Variants in EPB41L1 observed in about 807,000 individuals in gnomAD.
The protein encoded by EPB41L1 is band 4.1-like protein 1.
In EPB41L1, 29 loss-of-function variants were observed where a neutral mutation model predicts 97.8. The observed-to-expected ratio is 0.30, with a 90% confidence interval of 0.22 to 0.40. The LOEUF is 0.40. Ranked by LOEUF, EPB41L1 falls within the 10% of genes least tolerant of loss-of-function variation. The pLI, the probability that EPB41L1 is intolerant of heterozygous loss-of-function variation, is 1.00. For synonymous variants in EPB41L1, 383 were observed against 459.2 expected, an observed-to-expected ratio of 0.83 and a Z score of 2.12; for missense variants, 812 against 1,162.3, an observed-to-expected ratio of 0.70 and a Z score of 4.38.
At chr20:36,099,968 G>T (rs563165871) in intron 1 of EPB41L1, among the ~76,000 whole-genome samples, 3 of 152,242 alleles carry the variant, frequency 2.0e-5, no homozygotes, top group African/African-American at 7.2e-5. Context: ...TGAGTGAGCA[G>T]GCTGAATGGG....
chr20:36,109,353 A>G (rs897643375), intron 1 of EPB41L1, among the ~76,000 whole-genome samples: 1 of 152,138 alleles, frequency 6.6e-6, no homozygotes, highest in African/African-American at 2.4e-5. Flanking sequence ...TCTTTGCTGA[A>G]CTTGAGCCTT....
chr20:36,102,653 C>G (rs1164747336), intron 1 of EPB41L1, among the ~76,000 whole-genome samples: 1 of 152,192 alleles, frequency 6.6e-6, no homozygotes, highest in Non-Finnish European at 1.5e-5. Context: ...CCTTGCTCCT[C>G]CCTGGCTTCA....
intron 1 of EPB41L1, among the ~76,000 whole-genome samples, chr20:36,172,943 C>A (rs1211257919): frequency 6.6e-6 from 1 of 152,212 alleles, no homozygotes. Context: ...GCCATTCTCT[C>A]TCTCTCTTTC....
chr20:36,173,797 C>A lies in EPB41L1; in HGVS notation c.20C>A (p.Pro7His), dbSNP rs1443302443. 6.2e-7 allele frequency: 1 copy of A among 1,614,168 alleles called. No individual in the cohort carries two copies. Among genetic ancestry groups the A allele is most frequent in the Non-Finnish European group, 8.5e-7 (1 of 1,180,036 alleles). MTTETGPDSEVKKAQEE... is the reference protein window; with the variant it reads MTTETGHDSEVKKAQEE... ...GTCACCATGACAACAGAGACAGGCC[C>A]CGACTCTGAGGTGAAGAAAGCTCAG... Residue 7 changes from proline to histidine, a missense_variant, in exon 2 of 22, where the codon CCC becomes CAC. Coordinates refer to ENST00000338074, the MANE Select transcript of EPB41L1 (RefSeq NM_012156.2).
intron 2 of EPB41L1, among the ~76,000 whole-genome samples, chr20:36,131,479 G>C (rs957295599): frequency 2.0e-5 from 3 of 151,924 alleles, no homozygotes; most frequent in Admixed American, 1.3e-4. Flanking sequence ...ACTGTCCTCT[G>C]TCCATGCATT....
Position 36,174,681 on chromosome 20 carries a change from G to T in EPB41L1, c.177+727G>T, listed in dbSNP as rs191206792. ...TCCTCCCACCTTGGCCTCCCAAAGT[G>T]CTGGGATTACAGGTGTGAGCCACCA... On this transcript the variant is annotated intron_variant, in intron 2 of 21. Coordinates refer to ENST00000338074, the MANE Select transcript of EPB41L1 (RefSeq NM_012156.2). Among the ~76,000 whole-genome samples, 102 of 151,832 alleles carry T rather than the reference G, an allele frequency of 6.7e-4. 1 individual carries two copies. The East Asian group carries it at 0.014, about 20-fold the overall frequency.
chr20:36,130,249 T>TTTTTTG (rs1555836244), intron 2 of EPB41L1, among the ~76,000 whole-genome samples: 93 of 150,022 alleles, frequency 6.2e-4, no homozygotes, highest in Non-Finnish European at 1.0e-3. Flanking sequence ...GCAGTGTTTT[T>TTTTTTG]TTTTTTGTTT....
At chr20:36,149,204 G>C (rs1189395920) in intron 2 of EPB41L1, among the ~76,000 whole-genome samples, 1 of 152,170 alleles carries the variant, frequency 6.6e-6, no homozygotes, top group African/African-American at 2.4e-5. Context: ...CTTGCTCAAG[G>C]TCATGCAGCT....
intron 1 of EPB41L1, among the ~76,000 whole-genome samples, chr20:36,162,523 G>A (rs1315511792): frequency 6.6e-6 from 1 of 152,156 alleles, no homozygotes; most frequent in African/African-American, 2.4e-5. Context: ...CCTACTCCGT[G>A]TGGCCCTTGT....
At chr20:36,105,796 CTAAT>C (rs1464448570) in intron 1 of EPB41L1, among the ~76,000 whole-genome samples, 2 of 152,166 alleles carry the variant, frequency 1.3e-5, no homozygotes, top group Admixed American at 6.5e-5. Flanking sequence ...ATTGTTAAAC[CTAAT>C]AGCTGGTGAG....
intron 2 of EPB41L1, among the ~76,000 whole-genome samples, chr20:36,122,474 C>T (rs775981127): frequency 2.0e-4 from 30 of 152,170 alleles, no homozygotes; most frequent in Non-Finnish European, 3.7e-4. Flanking sequence ...TGGTGTCTAC[C>T]GCCTCACCCA....
chr20:36,129,970 C>CTTGCTCTGTCACT (rs2059132110), intron 2 of EPB41L1, among the ~76,000 whole-genome samples: 2 of 142,718 alleles, frequency 1.4e-5, no homozygotes, highest in Non-Finnish European at 3.0e-5. Flanking sequence ...GAGACGGAGT[C>CTTGCTCTGTCACT]TTGCTCTGTC....
Position 36,190,221 on chromosome 20 carries a change from C to A in EPB41L1, c.1027-56C>A. On this transcript the variant is annotated intron_variant, in intron 9 of 21. Transcript: ENST00000338074. This position sits in a 1 kb window ranked among gnomAD's most constrained non-coding sequence, Gnocchi z 5.8. ...TAAAATAAAAAACACAAAGAATGGG[C>A]TAGTGGCGAGAGTGAGCTCAGGCCC... 1 of 1,321,834 alleles carries A rather than the reference C, an allele frequency of 7.6e-7. No homozygotes were observed. The highest frequency in any genetic ancestry group is 1.1e-6 in the Non-Finnish European group (1 of 916,478). The allele number at this position is 1,321,834 out of a possible 1,614,324, so 81.9% of individuals were successfully genotyped here. A position where few individuals can be genotyped will look rare whatever the true frequency, so the allele number is the denominator to read the frequency against.
intron 17 of EPB41L1, among the ~76,000 whole-genome samples, chr20:36,215,394 A>G (rs1257075535): frequency 6.6e-6 from 1 of 152,220 alleles, no homozygotes; most frequent in African/African-American, 2.4e-5. Context: ...GGTTGCAGCC[A>G]CTACTCGGGC....
chr20:36,175,965 G>C (rs962609801), intron 3 of EPB41L1, among the ~76,000 whole-genome samples: 2 of 152,178 alleles, frequency 1.3e-5, no homozygotes, highest in African/African-American at 4.8e-5. Flanking sequence ...TTTGCAGGGT[G>C]ACTATACCTT....
At chr20:36,199,488 A>G (rs2062379991) in intron 14 of EPB41L1, among the ~76,000 whole-genome samples, 1 of 152,232 alleles carries the variant, frequency 6.6e-6, no homozygotes, top group South Asian at 2.1e-4. Flanking sequence ...CCATGGCCTG[A>G]ACCTGCCAGA....
intron 1 of EPB41L1, among the ~76,000 whole-genome samples, chr20:36,169,229 A>G (rs541137960): frequency 1.3e-5 from 2 of 151,986 alleles, no homozygotes; most frequent in African/African-American, 4.8e-5. Flanking sequence ...CTCAAAAAAA[A>G]AAAAAAAAAA....
At chr20:36,157,291 A>G (rs1190655464) in intron 1 of EPB41L1, among the ~76,000 whole-genome samples, 1 of 152,242 alleles carries the variant, frequency 6.6e-6, no homozygotes, top group African/African-American at 2.4e-5. Context: ...TTACACAATC[A>G]AAGTGATAGT....
At chr20:36,109,631 G>A (rs182936967) in intron 1 of EPB41L1, 1 of 152,276 alleles carries the variant, frequency 6.6e-6, no homozygotes, top group Non-Finnish European at 1.5e-5. Flanking sequence ...GGGGATTTGG[G>A]GCTGCTTTGT....
Sources: gnomAD v4.1 joint callset for allele counts (sites outside exome capture counted in the v4.1 genomes callset) on GRCh38, gnomAD v4.1.1 for gene constraint, Gnocchi (gnomAD v3.1) non-coding constraint, MANE v1.5 for transcripts, NCBI Gene and HGNC (gene_info 2026-07-23, HGNC 2026-07-21) for gene names.